Variants in GRHL2 observed in about 807,000 individuals in gnomAD.
The protein encoded by GRHL2 is grainyhead-like protein 2 homolog.
GRHL2 carries 21 observed loss-of-function variants against 83.8 expected under a neutral mutation model. The ratio of observed to expected loss-of-function variants is 0.25; its 90% confidence interval spans 0.18 to 0.36. The LOEUF (loss-of-function observed/expected upper bound fraction) is 0.36. Among genes scored for constraint, GRHL2 ranks in the 10% least tolerant of loss-of-function variants. GRHL2 has a pLI of 1.00. For synonymous variants in GRHL2, 280 were observed against 278.9 expected (o/e 1.00, Z -0.04); for missense variants, 623 against 781.8 (o/e 0.80, Z 2.42).
intron 2 of GRHL2, among the ~76,000 whole-genome samples, chr8:101,550,522 G>A (rs1388249521): frequency 6.6e-6 from 1 of 152,168 alleles, no homozygotes; most frequent in South Asian, 2.1e-4. Context: ...CAAAGGACAT[G>A]ATTTCATTCT....
intron 3 of GRHL2, among the ~76,000 whole-genome samples, chr8:101,557,224 CTTTTTTT>C (rs34785282): frequency 8.2e-6 from 1 of 122,448 alleles, no homozygotes; most frequent in South Asian, 2.7e-4. Context: ...ATTAACAATA[CTTTTTTT>C]TTTTTTTTTT....
In GRHL2 at chr8:101,613,500, C is replaced by T. The variant is rs1471562531; in HGVS notation, c.1099-6039C>T. On this transcript the variant is annotated intron_variant, in intron 8 of 15. Coordinates refer to ENST00000646743, the MANE Select transcript of GRHL2 (RefSeq NM_024915.4). ...CAAGCACAGAGAGAAGATATTAAAT[C>T]ACTATTTGATGAATACATGCATAAA... Among the ~76,000 whole-genome samples the T allele has an allele frequency of 6.0e-5, 9 of 150,872 alleles. 1 individual carries two copies. The highest frequency in any genetic ancestry group is 1.7e-4 in the African/African-American group (7 of 40,308).
At chr8:101,678,585 T>C in the GRHL2 span, among the ~76,000 whole-genome samples, 2 of 151,622 alleles carry the variant, frequency 1.3e-5, no homozygotes, top group Non-Finnish European at 2.9e-5. Flanking sequence ...CCACCACAGC[T>C]CAAGGAGGCC....
chr8:101,644,308 G>GC, intron 13 of GRHL2, 83 bp downstream of exon 13: 5 of 1,062,526 alleles, frequency 4.7e-6, no homozygotes, highest in Non-Finnish European at 7.1e-6. Context: ...TCTTGCCCAG[G>GC]CCCCCATGGC....
intron 1 of GRHL2, among the ~76,000 whole-genome samples, chr8:101,513,017 G>A (rs897688768): frequency 2.6e-4 from 39 of 152,208 alleles, no homozygotes; most frequent in Middle Eastern, 3.4e-3. Flanking sequence ...AATTTTAGGG[G>A]TGTACAAACA....
chr8:101,570,834 C>T (rs1197476125), intron 5 of GRHL2, among the ~76,000 whole-genome samples: 1 of 152,232 alleles, frequency 6.6e-6, no homozygotes, highest in Non-Finnish European at 1.5e-5. Flanking sequence ...TCCTGTTGGA[C>T]TTTCTCAGCA....
intron 1 of GRHL2, among the ~76,000 whole-genome samples, chr8:101,537,100 A>G (rs1811059591): frequency 6.6e-6 from 1 of 152,230 alleles, no homozygotes; most frequent in Non-Finnish European, 1.5e-5. Flanking sequence ...TGCAAAGGAC[A>G]TGATCTTGTT....
In GRHL2 at chr8:101,562,107, C is replaced by T. The variant is rs1811618619; in HGVS notation, c.678+3295C>T. The T allele has an allele frequency of 6.0e-6, 4 of 668,546 alleles. 1 individual carries two copies. Among genetic ancestry groups the T allele is most frequent in the South Asian group, 5.5e-5 (4 of 73,368 alleles). The allele number at this position is 668,546 out of a possible 1,614,324, so 41.4% of individuals were successfully genotyped here. On this transcript the variant is annotated intron_variant, in intron 4 of 15. Transcript: ENST00000646743. ...GGGCTCAGATAAGATGGATGTTTTG[C>T]TTTACTTCTTTGATATCCTGAACTT... is the stretch of plus-strand genomic sequence containing the variant.
At chr8:101,676,299 G>T in the GRHL2 span, among the ~76,000 whole-genome samples, 18 of 151,880 alleles carry the variant, frequency 1.2e-4, no homozygotes, top group South Asian at 3.6e-3. Context: ...GAAAATTTTT[G>T]CAACCTACTC....
rs1194235089 is a variant in GRHL2, at chr8:101,667,009, T to C, written c.*306T>C. On this transcript the variant is annotated 3_prime_UTR_variant, in exon 16 of 16. Transcript: ENST00000646743. Reference sequence around the variant, plus strand: ...GGCCCGCCAGGACTCTGCAGGTCACTGCTAGCTCCAGATGAGACCGTCCAG... The same window carrying C: ...GGCCCGCCAGGACTCTGCAGGTCACCGCTAGCTCCAGATGAGACCGTCCAG... 6.1e-6 allele frequency: 3 copies of C among 494,028 alleles called. No homozygotes were observed. The highest frequency in any genetic ancestry group is 1.9e-5 in the African/African-American group (1 of 51,610). 30.6% of individuals were successfully genotyped at this position (494,028 alleles called of 1,614,324 possible). A position where few individuals can be genotyped will look rare whatever the true frequency, so the allele number is the denominator to read the frequency against.
the GRHL2 span, among the ~76,000 whole-genome samples, chr8:101,679,959 C>T: frequency 1.0e-4 from 12 of 119,066 alleles, no homozygotes; most frequent in East Asian, 2.4e-4. Context: ...CGGTACCAGC[C>T]GCTGCAAAAT....
intron 7 of GRHL2, among the ~76,000 whole-genome samples, chr8:101,582,419 G>C (rs531749285): frequency 1.3e-5 from 2 of 152,316 alleles, no homozygotes; most frequent in East Asian, 3.9e-4. Flanking sequence ...CTGTGGAAAG[G>C]CTTGTATTTT....
At chr8:101,612,520 G>GATAGATAGATAGATAGATAGATAC (rs371662487) in intron 8 of GRHL2, among the ~76,000 whole-genome samples, 5 of 123,676 alleles carry the variant, frequency 4.0e-5, no homozygotes, top group African/African-American at 1.7e-4. Context: ...TAGATAGATA[G>GATAGATAGATAGATAGATAGATAC]ATACATACAT....
At chr8:101,537,934 C>T (rs1811079474) in intron 1 of GRHL2, among the ~76,000 whole-genome samples, 1 of 151,982 alleles carries the variant, frequency 6.6e-6, no homozygotes, top group Non-Finnish European at 1.5e-5. Flanking sequence ...TCTTTTCTTT[C>T]CTTTGTTTTT....
chr8:101,605,364 A>G (rs1026311088), intron 8 of GRHL2, among the ~76,000 whole-genome samples: 4 of 152,226 alleles, frequency 2.6e-5, no homozygotes, highest in African/African-American at 9.6e-5. Flanking sequence ...GGGCCCTATG[A>G]GTCCAGAGCC....
chr8:101,674,343 CA>C (rs2129811606), downstream of GRHL2, among the ~76,000 whole-genome samples: 1 of 152,042 alleles, frequency 6.6e-6, no homozygotes, highest in South Asian at 2.1e-4. Context: ...AGAGAAGAAT[CA>C]AAAAGATGTA....
At position 101,499,843 on chromosome 8, in the gene GRHL2, C is replaced by T. The variant is rs1307183005; in HGVS notation, c.20+7054C>T. Among the ~76,000 whole-genome samples the T allele has an allele frequency of 2.0e-5, 3 of 151,946 alleles. No homozygotes were observed. In the East Asian group the frequency reaches 5.8e-4, roughly 29 times the overall value. On this transcript the variant is annotated intron_variant, in intron 1 of 15. Transcript: ENST00000646743. ...CTGTAATCCCAGCACTTTGGGAAGC[C>T]GAGGCAGGCAGATCATGAGGTAAGG...
chr8:101,632,463 C>T (rs1813205765), intron 11 of GRHL2, 98 bp downstream of exon 11: 2 of 1,407,318 alleles, frequency 1.4e-6, no homozygotes, highest in African/African-American at 2.8e-5. Context: ...TCAAAAATAA[C>T]TTACCTTCCA....
At chr8:101,626,595 A>C (rs1322997718) in intron 9 of GRHL2, among the ~76,000 whole-genome samples, 1 of 152,104 alleles carries the variant, frequency 6.6e-6, no homozygotes, top group Admixed American at 6.6e-5. Flanking sequence ...AAACAAAGAC[A>C]GCCATCACCT....
Sources: gnomAD v4.1 joint callset for allele counts (sites outside exome capture counted in the v4.1 genomes callset) on GRCh38, gnomAD v4.1.1 for gene constraint, MANE v1.5 for transcripts, NCBI Gene and HGNC (gene_info 2026-07-23, HGNC 2026-07-21) for gene names.